The following PLXNC1 variants were observed in gnomAD, a reference collection of about 807,000 sequenced individuals.
PLXNC1 encodes the protein plexin-C1.
Under a neutral mutation model 178.2 loss-of-function variants are expected in PLXNC1, and 75 were observed. The observed-to-expected ratio is 0.42, with a 90% CI of 0.35 to 0.51. The LOEUF (loss-of-function observed/expected upper bound fraction) is 0.51, where lower values mean the gene tolerates loss of function less well. Ranked by LOEUF, PLXNC1 falls within the 20% of genes least tolerant of loss-of-function variation. The pLI is 0.02. For missense variants in PLXNC1, 1,503 were observed against 1,984.4 expected (o/e 0.76, Z 4.61); for synonymous variants, 790 against 779.9 (o/e 1.01, Z -0.22).
chr12:94,207,233 T>C (rs1963327620), intron 4 of PLXNC1, among the ~76,000 whole-genome samples: 1 of 150,920 alleles, frequency 6.6e-6, no homozygotes, highest in South Asian at 2.1e-4. Flanking sequence ...GTTGTTTTTT[T>C]ATATATATAT....
chr12:94,267,619 A>T (rs1006882451), intron 21 of PLXNC1, among the ~76,000 whole-genome samples: 5 of 152,220 alleles, frequency 3.3e-5, no homozygotes, highest in Admixed American at 2.6e-4. Flanking sequence ...CCTTGCCTTT[A>T]AAAATGATTG....
chr12:94,186,247 C>A, intron 3 of PLXNC1, 126 bp from the exon 4 acceptor site: 1 of 649,766 alleles, frequency 1.5e-6, no homozygotes, highest in Non-Finnish European at 2.8e-6. Context: ...CTGCCCAGTG[C>A]CAGTATGGAG....
Position 94,149,096 on chromosome 12 carries a change from C to G in PLXNC1, c.125C>G (p.Ser42Trp), listed in dbSNP as rs1305204703. 1.3e-6 allele frequency: 2 copies of G among 1,580,538 alleles called. No individual in the cohort carries two copies. The highest frequency in any genetic ancestry group is 1.7e-6 in the Non-Finnish European group (2 of 1,169,782). ...GGCGCGGACGAGCCCGTGTGGCGGT[C>G]GGAGCAAGCCATCGGAGCCATCGCG... ...GRGADEPVWR[S>W]EQAIGAIAAS... The change falls in exon 1 of 31, where the codon TCG becomes TGG. Residue 42 changes from serine (S) to tryptophan (W), a missense_variant. This residue lies in a region of PLXNC1 where 176 missense variants were observed against 180.7 expected (regional missense o/e 0.97). Coordinates refer to ENST00000258526, the MANE Select transcript of PLXNC1 (RefSeq NM_005761.3).
intron 4 of PLXNC1, among the ~76,000 whole-genome samples, chr12:94,197,933 A>C (rs915952912): frequency 1.3e-5 from 2 of 152,168 alleles, no homozygotes; most frequent in Admixed American, 6.5e-5. Flanking sequence ...TGAGTCAGAG[A>C]AAACCCTCCA....
chr12:94,277,546 GA>G (rs1479783022), intron 21 of PLXNC1, among the ~76,000 whole-genome samples: 3 of 152,170 alleles, frequency 2.0e-5, no homozygotes, highest in Non-Finnish European at 4.4e-5. Context: ...GACATACACA[GA>G]GGTTACACAG....
chr12:94,267,932 T>TG (rs1285297137), intron 21 of PLXNC1, among the ~76,000 whole-genome samples: 10 of 152,052 alleles, frequency 6.6e-5, no homozygotes, highest in Non-Finnish European at 1.3e-4. Context: ...TTGCCTGAGG[T>TG]GGTTTATGTA....
chr12:94,168,104 C>T (rs555148181), intron 1 of PLXNC1: 1 of 152,210 alleles, frequency 6.6e-6, no homozygotes, highest in Non-Finnish European at 1.5e-5. Context: ...GCCTCCCCCT[C>T]CCCAAATAGG....
At chr12:94,283,538 T>A (rs1481952996) in intron 23 of PLXNC1, among the ~76,000 whole-genome samples, 1 of 152,200 alleles carries the variant, frequency 6.6e-6, no homozygotes, top group Non-Finnish European at 1.5e-5. Context: ...ATAAAGTAAT[T>A]TGGCTGTACG....
At chr12:94,302,792 ATC>A (rs985640109) in intron 28 of PLXNC1, among the ~76,000 whole-genome samples, 3 of 152,126 alleles carry the variant, frequency 2.0e-5, no homozygotes, top group Non-Finnish European at 4.4e-5. Flanking sequence ...CACTTCATAA[ATC>A]TGTCTTTGCA....
At chr12:94,238,519 T>C (rs1461993472) in intron 10 of PLXNC1, among the ~76,000 whole-genome samples, 2 of 152,200 alleles carry the variant, frequency 1.3e-5, no homozygotes, top group African/African-American at 2.4e-5. Context: ...TAACTGCAGT[T>C]ATTAAATAAC....
At chr12:94,212,723 T>C (rs1324920321) in intron 5 of PLXNC1, among the ~76,000 whole-genome samples, 1 of 83,836 alleles carries the variant, frequency 1.2e-5, no homozygotes, top group Non-Finnish European at 2.8e-5. Context: ...TTTTCTTTTC[T>C]TTTTTTTTTT....
chr12:94,275,499 C>T (rs2136118716), intron 21 of PLXNC1, among the ~76,000 whole-genome samples: 1 of 152,310 alleles, frequency 6.6e-6, no homozygotes, highest in East Asian at 1.9e-4. Flanking sequence ...ACTTTCCCAG[C>T]CTGGGGGTGG....
intron 23 of PLXNC1, among the ~76,000 whole-genome samples, chr12:94,285,769 C>T (rs1446179961): frequency 1.3e-5 from 2 of 152,248 alleles, no homozygotes; most frequent in East Asian, 3.9e-4. Flanking sequence ...CAAGCCAGCA[C>T]CTCTCCCTGT....
At chr12:94,167,538 C>G (rs569647276) in intron 1 of PLXNC1, among the ~76,000 whole-genome samples, 1 of 152,272 alleles carries the variant, frequency 6.6e-6, no homozygotes, top group Admixed American at 6.5e-5. Flanking sequence ...TATTTTAAAG[C>G]AAGATGTGTG....
intron 11 of PLXNC1, among the ~76,000 whole-genome samples, chr12:94,240,878 C>T (rs2136052070): frequency 6.6e-6 from 1 of 152,312 alleles, no homozygotes; most frequent in South Asian, 2.1e-4. Flanking sequence ...TTTTTCCCTT[C>T]ACCATGGCTG....
intron 13 of PLXNC1, 33 bp from the exon 14 acceptor site, chr12:94,248,194 C>T (rs1258651496): frequency 1.9e-6 from 3 of 1,598,478 alleles, no homozygotes; most frequent in Non-Finnish European, 2.6e-6. Context: ...TACATGTGCT[C>T]TGATTTCTCC....
intron 19 of PLXNC1, 88 bp downstream of exon 19, chr12:94,259,822 G>C: frequency 8.4e-7 from 1 of 1,196,394 alleles, no homozygotes; most frequent in South Asian, 1.9e-5. Flanking sequence ...CCAGCATTTT[G>C]GGAGGCCAAG....
intron 14 of PLXNC1, 86 bp downstream of exon 14, chr12:94,248,498 T>C (rs1964592078): frequency 1.0e-6 from 1 of 1,000,826 alleles, no homozygotes; most frequent in South Asian, 1.6e-5. Context: ...AATGGAATCT[T>C]TCATGGATCT....
At chr12:94,275,552 G>A (rs4761600) in intron 21 of PLXNC1, among the ~76,000 whole-genome samples, 2 of 152,168 alleles carry the variant, frequency 1.3e-5, no homozygotes, top group Admixed American at 6.5e-5. Context: ...CTGTACTTAC[G>A]CCTTAAGAAA....
Sources: allele counts gnomAD v4.1 joint callset (sites outside exome capture counted in the v4.1 genomes callset), GRCh38; gene constraint gnomAD v4.1.1; regional missense constraint gnomAD v4.1.1; transcripts MANE v1.5; gene names NCBI Gene and HGNC (gene_info 2026-07-23, HGNC 2026-07-21).